FAM171A1: variants seen among roughly 807,000 people sequenced by gnomAD.
FAM171A1 encodes family with sequence similarity 171 member A1.
A neutral mutation model predicts 74.9 loss-of-function variants in FAM171A1; 23 were observed. That is an observed-to-expected ratio of 0.31 (90% confidence interval 0.22 to 0.44). The LOEUF is 0.44. Ranked by LOEUF, FAM171A1 falls within the 20% of genes least tolerant of loss-of-function variation. The pLI is 1.00. For missense variants in FAM171A1, 1,162 were observed against 1,159.2 expected (o/e 1.00, Z -0.03); for synonymous variants, 527 against 505.7 (o/e 1.04, Z -0.57).
chr10:15,276,010 T>G (rs1834889781), intron 2 of FAM171A1, 63 bp from the exon 3 acceptor site: 3 of 1,182,536 alleles, frequency 2.5e-6, no homozygotes, highest in Non-Finnish European at 3.7e-6. Context: ...CCTACTCTAA[T>G]TTTTGGGATA....
chr10:15,255,654 CT>C (rs35247955), intron 3 of FAM171A1, among the ~76,000 whole-genome samples: 115 of 145,948 alleles, frequency 7.9e-4, no homozygotes, highest in Admixed American at 9.6e-4. Context: ...TTTTCTTCTT[CT>C]TTTTTTTTTT....
At chr10:15,247,353 C>A (rs1211023220) in intron 5 of FAM171A1, among the ~76,000 whole-genome samples, 1 of 152,122 alleles carries the variant, frequency 6.6e-6, no homozygotes, top group Non-Finnish European at 1.5e-5. Context: ...CTCACTGTGA[C>A]TTTGAATTCC....
At chr10:15,265,898 G>C (rs956702706) in intron 3 of FAM171A1, among the ~76,000 whole-genome samples, 2 of 152,274 alleles carry the variant, frequency 1.3e-5, no homozygotes, top group African/African-American at 4.8e-5. Flanking sequence ...GCTGCATTTG[G>C]TTACTGATAA....
At chr10:15,279,257 T>C (rs1340222373) in intron 2 of FAM171A1, among the ~76,000 whole-genome samples, 5 of 152,234 alleles carry the variant, frequency 3.3e-5, no homozygotes, top group Admixed American at 3.3e-4. Flanking sequence ...TTCTCAAACT[T>C]TATTTCCTAA....
chr10:15,331,853 ATGTGTG>A (rs376695633), intron 1 of FAM171A1, among the ~76,000 whole-genome samples: 26,201 of 72,804 alleles, frequency 0.36, 4,925 homozygotes, highest in African/African-American at 0.5. Context: ...GTGTATATAT[ATGTGTG>A]TATATATATG....
rs562958095 is a variant in FAM171A1 at position 15,260,735 on chromosome 10, C to T, written c.419-5856G>A. Among the ~76,000 whole-genome samples, 10 of 152,322 alleles carry T rather than the reference C, an allele frequency of 6.6e-5. No homozygotes were observed. In the South Asian group the frequency reaches 2.1e-3, roughly 32 times the overall value. On this transcript the variant is annotated intron_variant, in intron 3 of 7. Transcript: ENST00000378116. The stretch of plus-strand genomic sequence containing the variant: ...AGATCAGGGGTCCTCCATTTCAGCA[C>T]CATTTACATTTTGGGCCAGGTAGTT...
chr10:15,235,918 A>T (rs572143627), intron 5 of FAM171A1, among the ~76,000 whole-genome samples: 3 of 152,236 alleles, frequency 2.0e-5, no homozygotes, highest in Non-Finnish European at 4.4e-5. Context: ...GTCCTCACCT[A>T]CAAGGTGAGG....
At chr10:15,300,963 A>G (rs1241851033) in intron 1 of FAM171A1, among the ~76,000 whole-genome samples, 1 of 152,210 alleles carries the variant, frequency 6.6e-6, no homozygotes, top group Admixed American at 6.5e-5. Context: ...GAGAAAGTTC[A>G]CGGAAGGAGC....
Position 15,215,978 on chromosome 10 carries a change from A to G in FAM171A1, c.986+18T>C. ...ACTGTGAATTAAAAAAGATATTGCCAAAATGGTAACACTTTACCTGCAATA... is the reference window on the plus strand; with the variant it reads ...ACTGTGAATTAAAAAAGATATTGCCGAAATGGTAACACTTTACCTGCAATA... On this transcript the variant is annotated intron_variant, in intron 7 of 7. Coordinates refer to ENST00000378116, the MANE Select transcript of FAM171A1 (RefSeq NM_001010924.2). The G allele has an allele frequency of 6.5e-7, 1 of 1,527,172 alleles. No homozygotes were observed. The highest frequency in any genetic ancestry group is 1.4e-5 in the African/African-American group (1 of 71,724). The allele number at this position is 1,527,172 out of a possible 1,614,324, so 94.6% of individuals were successfully genotyped here.
chr10:15,352,413 T>C (rs754038293), intron 1 of FAM171A1, among the ~76,000 whole-genome samples: 5 of 152,210 alleles, frequency 3.3e-5, no homozygotes, highest in Non-Finnish European at 5.9e-5. Flanking sequence ...AAACGTTGTC[T>C]AATGAGTGCA....
At chr10:15,335,989 G>C (rs988268857) in intron 1 of FAM171A1, among the ~76,000 whole-genome samples, 1 of 152,124 alleles carries the variant, frequency 6.6e-6, no homozygotes, top group Non-Finnish European at 1.5e-5. Flanking sequence ...ATCCCTGCAA[G>C]TGACCTCAGA....
At chr10:15,344,463 C>T (rs1161748173) in intron 1 of FAM171A1, among the ~76,000 whole-genome samples, 2 of 152,116 alleles carry the variant, frequency 1.3e-5, no homozygotes, top group Non-Finnish European at 2.9e-5. Flanking sequence ...GTGGGAGGAT[C>T]GCTTGAGCCC....
intron 1 of FAM171A1, among the ~76,000 whole-genome samples, chr10:15,306,687 C>T (rs2131833252): frequency 6.6e-6 from 1 of 152,298 alleles, no homozygotes; most frequent in Non-Finnish European, 1.5e-5. Flanking sequence ...TTTCAATGGA[C>T]TGTCACGACC....
rs189797650 is a variant in FAM171A1 at position 15,327,614 on chromosome 10, G to A, written c.97+43342C>T. ...TGCAGTGAGCCGTGATTGCACCACT[G>A]CAGTCTAGCCTGGGAGACAAAACAA... On this transcript the variant is annotated intron_variant, in intron 1 of 7. Transcript: ENST00000378116. 1.6e-3 allele frequency among the ~76,000 whole-genome samples: 245 copies of A among 152,238 alleles called. 3 individuals carry two copies. The highest frequency in any genetic ancestry group is 1.7e-3 in the Non-Finnish European group (116 of 68,018).
chr10:15,348,879 T>C (rs372657825), intron 1 of FAM171A1, among the ~76,000 whole-genome samples: 9 of 152,230 alleles, frequency 5.9e-5, no homozygotes, highest in South Asian at 2.1e-4. Flanking sequence ...CATTTCATTT[T>C]ATCACACTTT....
chr10:15,213,957 G>A lies in FAM171A1; in HGVS notation c.1631C>T (p.Ser544Leu). 6.2e-7 allele frequency: 1 copy of A among 1,614,184 alleles called. No homozygotes were observed. The highest frequency in any genetic ancestry group is 8.5e-7 in the Non-Finnish European group (1 of 1,180,034). Residue 544 changes from serine (S) to leucine (L), a missense_variant, in exon 8 of 8, where the codon TCA (serine) becomes TTA (leucine). Physicochemically the swap from Ser to Leu is moderately radical, Grantham distance 145 (BLOSUM62 -2). Coordinates refer to ENST00000378116, the MANE Select transcript of FAM171A1 (RefSeq NM_001010924.2). The surrounding 1 kb of genome is among the most constrained non-coding windows in gnomAD (Gnocchi z 6.8). Reference protein sequence around the residue: ...RRPTECMMSRSVDHLERPTSF... With the variant: ...RRPTECMMSRLVDHLERPTSF... ...CGTAGGTCTCTCGAGGTGATCTACT[G>A]ATCGCGACATCATACATTCAGTGGG... is the stretch of plus-strand genomic sequence containing the variant.
rs188682658 is a variant in FAM171A1, at chr10:15,287,786, G to C, written c.98-3681C>G. 4.0e-3 allele frequency among the ~76,000 whole-genome samples: 616 copies of C among 152,114 alleles called. 3 individuals carry two copies. The highest frequency in any genetic ancestry group is 0.014 in the African/African-American group (592 of 41,464). ...AATTTTTATTTATTTATTTCCGTAG[G>C]TTTTAGGGGAACAGGTGGTGTTTGG... On this transcript the variant is annotated intron_variant, in intron 1 of 7. Transcript: ENST00000378116.
In FAM171A1 at chr10:15,236,239, A is replaced by G. The variant is rs561011586; in HGVS notation, c.754+12400T>C. ...TGGGTGAGACTGGGATGTTAAATTT[A>G]AAAACAGTAAGGCTTTCCTGTACCT... On this transcript the variant is annotated intron_variant, in intron 5 of 7. Coordinates refer to ENST00000378116, the MANE Select transcript of FAM171A1 (RefSeq NM_001010924.2). Among the ~76,000 whole-genome samples, 10 of 151,962 alleles carry G rather than the reference A, an allele frequency of 6.6e-5. No homozygotes were observed. In the East Asian group the frequency reaches 1.9e-3, roughly 29 times the overall value.
intron 5 of FAM171A1, among the ~76,000 whole-genome samples, chr10:15,225,070 A>G (rs931725844): frequency 2.0e-5 from 3 of 152,162 alleles, no homozygotes; most frequent in African/African-American, 7.2e-5. Flanking sequence ...TTACTGCATC[A>G]CCCATTTGCC....
Sources: allele counts gnomAD v4.1 joint callset (sites outside exome capture counted in the v4.1 genomes callset), GRCh38; gene constraint gnomAD v4.1.1; non-coding constraint Gnocchi (gnomAD v3.1); transcripts MANE v1.5; gene names NCBI Gene and HGNC (gene_info 2026-07-23, HGNC 2026-07-21).